The following NUSAP1 variants were observed in gnomAD, a reference collection of about 807,000 sequenced individuals.
NUSAP1 encodes nucleolar and spindle-associated protein 1.
A neutral mutation model predicts 52.8 loss-of-function variants in NUSAP1; 32 were observed. The observed-to-expected ratio is 0.61, with a 90% CI of 0.46 to 0.81. The LOEUF (loss-of-function observed/expected upper bound fraction) is 0.81, where lower values mean the gene tolerates loss of function less well. Among genes scored for constraint, NUSAP1 ranks in the 40% least tolerant of loss-of-function variants. The probability of loss-of-function intolerance (pLI) is 0.00; values close to 1 mark genes in which losing one functional copy is unlikely to be tolerated. For synonymous variants in NUSAP1, 195 were observed against 183.1 expected (o/e 1.06, Z -0.52); for missense variants, 499 against 522.3 (o/e 0.96, Z 0.43).
At chr15:41,337,400 T>C (rs546726509) in intron 1 of NUSAP1, among the ~76,000 whole-genome samples, 7 of 152,318 alleles carry the variant, frequency 4.6e-5, no homozygotes, top group African/African-American at 1.7e-4. Flanking sequence ...CCTTTCCATT[T>C]ATGCTGAAGA....
intron 6 of NUSAP1, among the ~76,000 whole-genome samples, chr15:41,362,444 G>A (rs2049213716): frequency 7.3e-6 from 1 of 137,624 alleles, no homozygotes; most frequent in Admixed American, 7.6e-5. Context: ...TTGATACGGA[G>A]TCTCGCTCTG....
intron 6 of NUSAP1, among the ~76,000 whole-genome samples, 191 bp downstream of exon 6, chr15:41,358,449 A>G (rs551534076): frequency 6.6e-6 from 1 of 152,310 alleles, no homozygotes; most frequent in Admixed American, 6.5e-5. Flanking sequence ...AAAACAGTGA[A>G]TCCATGGCCA....
In NUSAP1 at chr15:41,338,790, T is replaced by C. The variant is rs1163823700; in HGVS notation, c.94-3596T>C. Among the ~76,000 whole-genome samples, 4 of 142,332 alleles carry C rather than the reference T, an allele frequency of 2.8e-5. No individual in the cohort carries two copies. The East Asian group carries it at 7.8e-4, about 28-fold the overall frequency. 93.4% of individuals were successfully genotyped at this position (142,332 alleles called of 152,430 possible). A position where few individuals can be genotyped will look rare whatever the true frequency, so the allele number is the denominator to read the frequency against. ...GGCCAGCATGGCAAAACCCCGTCTCTACTAAAAAAAAAAAAAATACAAAAA... is the reference window on the plus strand; with the variant it reads ...GGCCAGCATGGCAAAACCCCGTCTCCACTAAAAAAAAAAAAAATACAAAAA... On this transcript the variant is annotated intron_variant, in intron 1 of 10. Transcript: ENST00000559596.
intron 6 of NUSAP1, among the ~76,000 whole-genome samples, chr15:41,360,793 CTTTTT>C (rs1180569684): frequency 8.5e-6 from 1 of 117,024 alleles, no homozygotes; most frequent in Admixed American, 9.3e-5. Flanking sequence ...GTTTATCCAT[CTTTTT>C]TTTTTTTTTT....
chr15:41,348,908 C>T (rs529458366), intron 2 of NUSAP1, among the ~76,000 whole-genome samples, 190 bp from the exon 3 acceptor site: 7 of 152,350 alleles, frequency 4.6e-5, no homozygotes, highest in African/African-American at 1.7e-4. Flanking sequence ...GCTGGGATTA[C>T]AGGCGTGAGC....
At chr15:41,366,951 G>A (rs1410345889) in intron 7 of NUSAP1, among the ~76,000 whole-genome samples, 3 of 152,206 alleles carry the variant, frequency 2.0e-5, no homozygotes, top group African/African-American at 7.2e-5. Context: ...GGTTCTAAGT[G>A]GGTACAGGAA....
chr15:41,346,365 G>T (rs748726373), intron 2 of NUSAP1, among the ~76,000 whole-genome samples: 1 of 151,936 alleles, frequency 6.6e-6, no homozygotes, highest in Non-Finnish European at 1.5e-5. Context: ...AGGCTGGAGT[G>T]CAGTGGCATA....
chr15:41,379,631 G>A (rs979673669), intron 10 of NUSAP1, among the ~76,000 whole-genome samples: 7 of 151,932 alleles, frequency 4.6e-5, no homozygotes, highest in African/African-American at 1.7e-4. Context: ...TGCAACCTCC[G>A]CCTCCCGGGT....
In NUSAP1 at chr15:41,349,083, T is replaced by G; in HGVS notation, c.163-15T>G. ...GTAGACATAGCACATAGCAGATTAA[T>G]ACCTCTCTTTTCAGGATGAAAGTCA... is the stretch of plus-strand genomic sequence containing the variant. On this transcript the variant is annotated splice_polypyrimidine_tract_variant and intron_variant, in intron 2 of 10. Coordinates refer to ENST00000559596, the MANE Select transcript of NUSAP1 (RefSeq NM_016359.5). The G allele has an allele frequency of 6.2e-7, 1 of 1,612,294 alleles. No individual in the cohort carries two copies. Among genetic ancestry groups the G allele is most frequent in the African/African-American group, 1.3e-5 (1 of 75,032 alleles).
chr15:41,347,076 G>T (rs952798108), intron 2 of NUSAP1, among the ~76,000 whole-genome samples: 3 of 152,010 alleles, frequency 2.0e-5, no homozygotes, highest in African/African-American at 7.2e-5. Context: ...TAAGGCTGAG[G>T]CAGGAGAATT....
intron 10 of NUSAP1, among the ~76,000 whole-genome samples, chr15:41,377,622 C>A (rs2050004557): frequency 6.9e-6 from 1 of 145,194 alleles, no homozygotes; most frequent in East Asian, 2.1e-4. Flanking sequence ...TGGCGTGAAC[C>A]CAGGAGGCAG....
At chr15:41,360,149 A>T (rs1333922244) in intron 6 of NUSAP1, among the ~76,000 whole-genome samples, 2 of 149,678 alleles carry the variant, frequency 1.3e-5, no homozygotes, top group African/African-American at 4.9e-5. Context: ...AATTTTATTT[A>T]TTTTTTTTAG....
At chr15:41,371,800 C>T (rs116853338) in intron 8 of NUSAP1, 116 bp downstream of exon 8, 17,256 of 1,220,322 alleles carry the variant, frequency 0.014, 183 homozygotes, top group Non-Finnish European at 0.015. Flanking sequence ...GATGGAGTTT[C>T]GCTTTTGTCA....
intron 4 of NUSAP1, among the ~76,000 whole-genome samples, chr15:41,353,027 C>T (rs759889674): frequency 1.5e-4 from 23 of 152,180 alleles, no homozygotes; most frequent in Non-Finnish European, 3.2e-4. Context: ...TATGGCTAGT[C>T]ACGTTAACTT....
intron 2 of NUSAP1, 34 bp from the exon 3 acceptor site, chr15:41,349,064 A>G (rs1291629038): frequency 1.0e-5 from 16 of 1,600,160 alleles, no homozygotes; most frequent in Admixed American, 1.7e-5. Flanking sequence ...AACTGTAGAC[A>G]TAGCACATAG....
At chr15:41,334,802 C>T (rs923279903) in intron 1 of NUSAP1, among the ~76,000 whole-genome samples, 1 of 151,864 alleles carries the variant, frequency 6.6e-6, no homozygotes, top group Non-Finnish European at 1.5e-5. Context: ...CCCGCCACGG[C>T]CTCCCGAAGT....
chr15:41,347,801 G>A (rs990596821), intron 2 of NUSAP1, among the ~76,000 whole-genome samples: 5 of 146,536 alleles, frequency 3.4e-5, no homozygotes, highest in Non-Finnish European at 7.5e-5. Flanking sequence ...GCAACAGAGT[G>A]AGACTCCGTC....
chr15:41,356,354 C>CTTTT lies in NUSAP1; in HGVS notation c.550+229_550+232dup, dbSNP rs398026995. Among the ~76,000 whole-genome samples the CTTTT allele has an allele frequency of 3.0e-4, 37 of 124,638 alleles. 1 individual carries two copies. The highest frequency in any genetic ancestry group is 4.5e-4 in the Admixed American group (5 of 11,104). 81.8% of individuals were successfully genotyped at this position (124,638 alleles called of 152,430 possible). A position where few individuals can be genotyped will look rare whatever the true frequency, so the allele number is the denominator to read the frequency against. On this transcript the variant is annotated intron_variant, in intron 5 of 10. Transcript: ENST00000559596. ...GTTATACTATAGTGCCTATTTCTTT[C>CTTTT]TTTTTTTTTTTTTTTTTTGAGACAG...
Position 41,342,374 on chromosome 15 carries a change from T to G in NUSAP1, c.94-12T>G. On this transcript the variant is annotated splice_polypyrimidine_tract_variant and intron_variant, in intron 1 of 10. Coordinates refer to ENST00000559596, the MANE Select transcript of NUSAP1 (RefSeq NM_016359.5). ...TTGACTTTTGGCTCTAATAATAAGG[T>G]CTCTCTTGCAGGCAACCAAGTTGTT... 1 of 1,558,750 alleles carries G rather than the reference T, an allele frequency of 6.4e-7. No individual in the cohort carries two copies. Among genetic ancestry groups the G allele is most frequent in the Non-Finnish European group, 8.7e-7 (1 of 1,143,532 alleles).
Sources: allele counts gnomAD v4.1 joint callset (sites outside exome capture counted in the v4.1 genomes callset), GRCh38; gene constraint gnomAD v4.1.1; transcripts MANE v1.5; gene names NCBI Gene and HGNC (gene_info 2026-07-23, HGNC 2026-07-21).